The following CHRM2 variants were observed in gnomAD, a reference collection of about 807,000 sequenced individuals.
CHRM2 encodes the protein muscarinic acetylcholine receptor M2.
In CHRM2, 8 loss-of-function variants were observed where a neutral mutation model predicts 25.0. That is an observed-to-expected ratio of 0.32 (90% confidence interval 0.19 to 0.58). CHRM2 has a LOEUF of 0.58. CHRM2 is among the 20% of genes least tolerant of loss of function. CHRM2 has a pLI of 0.88. For missense variants in CHRM2, 440 were observed against 567.1 expected (o/e 0.78, Z 2.28); for synonymous variants, 202 against 205.7 (o/e 0.98, Z 0.15).
intron 2 of CHRM2, among the ~76,000 whole-genome samples, chr7:136,958,448 C>CTTTTTTTTT (rs56127104): frequency 4.4e-5 from 4 of 91,146 alleles, no homozygotes; most frequent in Non-Finnish European, 8.3e-5. Context: ...GCAGTGTCAT[C>CTTTTTTTTT]TTTTTTTTTT....
chr7:136,962,579 T>C (rs1256727490), intron 2 of CHRM2, among the ~76,000 whole-genome samples: 1 of 152,236 alleles, frequency 6.6e-6, no homozygotes, highest in African/African-American at 2.4e-5. Context: ...TATTGAAATA[T>C]GAAACTGTCC....
chr7:136,891,874 A>T (rs756873555), intron 2 of CHRM2, among the ~76,000 whole-genome samples: 1 of 152,196 alleles, frequency 6.6e-6, no homozygotes, highest in Non-Finnish European at 1.5e-5. Flanking sequence ...CTGTGAATCC[A>T]GTCTGAAATA....
intron 2 of CHRM2, chr7:136,914,106 A>C (rs1183191823): frequency 6.6e-6 from 1 of 151,996 alleles, no homozygotes; most frequent in Non-Finnish European, 1.5e-5. Flanking sequence ...TCAGGATTCC[A>C]AAAATACACA....
At chr7:136,982,907 C>A (rs1280489683) in intron 2 of CHRM2, among the ~76,000 whole-genome samples, 1 of 152,062 alleles carries the variant, frequency 6.6e-6, no homozygotes, top group African/African-American at 2.4e-5. Flanking sequence ...GTGAATCTGA[C>A]GATTATGTGT....
At chr7:136,995,931 T>C (rs1277454597) in intron 3 of CHRM2, among the ~76,000 whole-genome samples, 6 of 151,748 alleles carry the variant, frequency 4.0e-5, no homozygotes, top group Admixed American at 6.6e-5. Flanking sequence ...TAATATAATA[T>C]AAAATTTACA....
intron 2 of CHRM2, among the ~76,000 whole-genome samples, chr7:136,947,102 C>T (rs1037723108): frequency 1.3e-5 from 2 of 152,152 alleles, no homozygotes; most frequent in African/African-American, 4.8e-5. Context: ...ATAACATCAA[C>T]CAAAGCTTCA....
At chr7:136,873,714 TC>T (rs2130461202) in intron 2 of CHRM2, among the ~76,000 whole-genome samples, 1 of 152,298 alleles carries the variant, frequency 6.6e-6, no homozygotes, top group South Asian at 2.1e-4. Context: ...GCACTTGTTT[TC>T]CCTGTGTTTG....
intron 2 of CHRM2, among the ~76,000 whole-genome samples, chr7:136,892,772 C>T (rs1455860160): frequency 5.3e-5 from 8 of 151,348 alleles, no homozygotes; most frequent in African/African-American, 1.7e-4. Context: ...TGGGTTCCAT[C>T]GATTCTCCTG....
intron 2 of CHRM2, among the ~76,000 whole-genome samples, chr7:136,927,573 C>A (rs1160819500): frequency 6.6e-6 from 1 of 152,122 alleles, no homozygotes; most frequent in Non-Finnish European, 1.5e-5. Context: ...ACAGATCTCT[C>A]AAGGAAGCAT....
intron 2 of CHRM2, among the ~76,000 whole-genome samples, chr7:136,984,960 A>C (rs1802746765): frequency 6.6e-6 from 1 of 152,164 alleles, no homozygotes; most frequent in Non-Finnish European, 1.5e-5. Context: ...CAAATGAAGA[A>C]TTGAGCGTAA....
chr7:136,990,903 A>C (rs1803181531), intron 2 of CHRM2, among the ~76,000 whole-genome samples: 1 of 152,128 alleles, frequency 6.6e-6, no homozygotes, highest in Admixed American at 6.6e-5. Context: ...AGTGATCCAG[A>C]TTATGGCCAT....
intron 2 of CHRM2, among the ~76,000 whole-genome samples, chr7:136,985,150 G>T (rs1183763506): frequency 1.3e-5 from 2 of 152,148 alleles, no homozygotes; most frequent in Non-Finnish European, 2.9e-5. Flanking sequence ...GGTAAAAGCT[G>T]CACATGTGAG....
intron 2 of CHRM2, among the ~76,000 whole-genome samples, chr7:136,983,752 G>T (rs895878147): frequency 6.6e-6 from 1 of 152,180 alleles, no homozygotes; most frequent in Admixed American, 6.5e-5. Context: ...TTGCCTGGGT[G>T]TCACCAGCAG....
At chr7:136,961,652 T>C (rs1285705549) in intron 2 of CHRM2, among the ~76,000 whole-genome samples, 1 of 151,746 alleles carries the variant, frequency 6.6e-6, no homozygotes, top group Non-Finnish European at 1.5e-5. Flanking sequence ...TATTTATTTA[T>C]ATATGAGTTA....
intron 2 of CHRM2, among the ~76,000 whole-genome samples, chr7:136,935,367 G>A (rs926334902): frequency 1.3e-5 from 2 of 152,148 alleles, no homozygotes; most frequent in African/African-American, 4.8e-5. Flanking sequence ...CAGAATTTGG[G>A]TGAGTACACA....
At chr7:137,003,473 TACACACACACACACACACACAC>T (rs57626583) in intron 3 of CHRM2, among the ~76,000 whole-genome samples, 24,490 of 136,876 alleles carry the variant, frequency 0.18, 2,567 homozygotes, top group African/African-American at 0.23. Flanking sequence ...CATGCATGCA[TACACACACACACACACACACAC>T]ACACACACAC....
intron 2 of CHRM2, among the ~76,000 whole-genome samples, chr7:136,990,466 T>C (rs999323058): frequency 6.6e-6 from 1 of 152,208 alleles, no homozygotes; most frequent in East Asian, 1.9e-4. Flanking sequence ...GTTGGATTCA[T>C]ACAGTATGCG....
intron 2 of CHRM2, among the ~76,000 whole-genome samples, chr7:136,983,667 AG>A (rs1376415921): frequency 6.6e-6 from 1 of 152,034 alleles, no homozygotes; most frequent in Non-Finnish European, 1.5e-5. Context: ...TCTCTTCGTG[AG>A]TTTTCCTTCT....
intron 2 of CHRM2, among the ~76,000 whole-genome samples, chr7:136,882,802 G>A (rs1796316259): frequency 6.6e-6 from 1 of 151,978 alleles, no homozygotes; most frequent in Non-Finnish European, 1.5e-5. Flanking sequence ...TAATTAATCT[G>A]AAACACATGA....
Sources: gnomAD v4.1 joint callset for allele counts (sites outside exome capture counted in the v4.1 genomes callset) on GRCh38, gnomAD v4.1.1 for gene constraint, MANE v1.5 for transcripts, NCBI Gene and HGNC (gene_info 2026-07-23, HGNC 2026-07-21) for gene names.